Variants in WNT7B observed in about 807,000 individuals in gnomAD.
The protein encoded by WNT7B is Wnt family member 7B, also known as protein Wnt-7b.
WNT7B carries 19 observed loss-of-function variants against 38.2 expected under a neutral mutation model. The ratio of observed to expected loss-of-function variants is 0.50; its 90% CI spans 0.35 to 0.73. The LOEUF is 0.73. Among genes scored for constraint, WNT7B ranks in the 30% least tolerant of loss-of-function variants. WNT7B has a pLI of 0.01. For missense variants in WNT7B, 423 were observed against 507.9 expected (o/e 0.83, Z 1.61); for synonymous variants, 243 against 209.3 (o/e 1.16, Z -1.39).
At chr22:45,942,108 C>T (rs76552704) in intron 2 of WNT7B, among the ~76,000 whole-genome samples, 1,759 of 152,258 alleles carry the variant, frequency 0.012, 40 homozygotes, top group African/African-American at 0.04. Flanking sequence ...GTACTGTCCC[C>T]GCCTCCCCAG....
chr22:45,932,167 C>G (rs1931384206), intron 2 of WNT7B, among the ~76,000 whole-genome samples: 2 of 152,330 alleles, frequency 1.3e-5, no homozygotes, highest in South Asian at 4.1e-4. Context: ...TCACTGCTCC[C>G]CTCTGCCGGT....
intron 1 of WNT7B, among the ~76,000 whole-genome samples, chr22:45,957,631 C>T (rs1052420844): frequency 3.2e-5 from 4 of 126,182 alleles, no homozygotes; most frequent in African/African-American, 9.0e-5. Context: ...TGCAGTGAGC[C>T]GAGATCATGC....
chr22:45,942,439 C>G (rs1254354830), intron 2 of WNT7B, among the ~76,000 whole-genome samples: 1 of 152,248 alleles, frequency 6.6e-6, no homozygotes, highest in Non-Finnish European at 1.5e-5. Context: ...AGAGCTCAGG[C>G]TGGGGACATC....
intron 2 of WNT7B, among the ~76,000 whole-genome samples, chr22:45,940,897 G>A (rs1468456424): frequency 6.6e-6 from 1 of 152,242 alleles, no homozygotes; most frequent in East Asian, 1.9e-4. Flanking sequence ...AGGTGAGAAT[G>A]AGCTGAGCAT....
At chr22:45,923,904 G>A (rs952154044) in intron 3 of WNT7B, among the ~76,000 whole-genome samples, 1 of 152,180 alleles carries the variant, frequency 6.6e-6, no homozygotes, top group East Asian at 1.9e-4. Flanking sequence ...GCGAGTACAC[G>A]GATCAGCGAG....
intron 2 of WNT7B, among the ~76,000 whole-genome samples, chr22:45,933,054 CTGG>C (rs1931417506): frequency 6.6e-6 from 1 of 152,206 alleles, no homozygotes; most frequent in Non-Finnish European, 1.5e-5. Flanking sequence ...CCGCAGCCTG[CTGG>C]GGGCTCAGCC....
chr22:45,944,961 G>A lies in WNT7B; in HGVS notation c.298+4959C>T, dbSNP rs565650462. On this transcript the variant is annotated intron_variant, in intron 2 of 3. Transcript: ENST00000339464. ...CGTCTGCCCCTGACCAGATGACTTT[G>A]GGCCACCCCCTCCTGTCCCCTATGG... 2.3e-4 allele frequency among the ~76,000 whole-genome samples: 35 copies of A among 152,354 alleles called. No individual in the cohort carries two copies. The South Asian group carries it at 2.7e-3, about 12-fold the overall frequency.
At chr22:45,970,891 G>T (rs1370793278) in intron 1 of WNT7B, among the ~76,000 whole-genome samples, 1 of 152,246 alleles carries the variant, frequency 6.6e-6, no homozygotes. Context: ...CCCCTCAGGC[G>T]ATGCCTCCGC....
chr22:45,950,017 C>G lies in WNT7B; in HGVS notation c.201G>C (p.Gln67His). 6.2e-7 allele frequency: 1 copy of G among 1,614,030 alleles called. No homozygotes were observed. Reference sequence around the variant, plus strand: ...GGTACTGGCACTCGTTGATGCCCATCTGCGCCCCCTCCCCAATCACAATGA... The same window carrying G: ...GGTACTGGCACTCGTTGATGCCCATGTGCGCCCCCTCCCCAATCACAATGA... ...DAIIVIGEGA[Q>H]MGINECQYQF... The change falls in exon 2 of 4, where the codon CAG becomes CAC. Residue 67 changes from glutamine (Q) to histidine (H), a missense_variant. Around this residue, in one of 3 missense-constraint regions of WNT7B, gnomAD observed 133 missense variants for 179.8 expected, o/e 0.74. Transcript: ENST00000339464.
chr22:45,943,202 CT>C (rs1931709310), intron 2 of WNT7B, among the ~76,000 whole-genome samples: 1 of 152,228 alleles, frequency 6.6e-6, no homozygotes, highest in Non-Finnish European at 1.5e-5. Context: ...CCCTTGGTCC[CT>C]CTCTGTCCCT....
chr22:45,954,640 G>T, intron 1 of WNT7B: 1 of 985,414 alleles, frequency 1.0e-6, no homozygotes. Context: ...GGGAAGTAAA[G>T]GCATCAGGGA....
chr22:45,949,432 C>T (rs964981907), intron 2 of WNT7B, among the ~76,000 whole-genome samples: 17 of 152,176 alleles, frequency 1.1e-4, no homozygotes, highest in Non-Finnish European at 2.2e-4. Context: ...CAGCTCCACT[C>T]TCGGAATCTA....
At chr22:45,955,042 G>A (rs1932026862) in intron 1 of WNT7B, among the ~76,000 whole-genome samples, 1 of 152,258 alleles carries the variant, frequency 6.6e-6, no homozygotes, top group South Asian at 2.1e-4. Flanking sequence ...GCCTGGAGCA[G>A]GCACTGTGTC....
At chr22:45,973,361 A>G (rs939806493) in intron 1 of WNT7B, among the ~76,000 whole-genome samples, 4 of 152,222 alleles carry the variant, frequency 2.6e-5, no homozygotes, top group African/African-American at 9.6e-5. Context: ...AAGCAGGAAG[A>G]TGGCAAGACA....
At chr22:45,958,774 G>A (rs558776843) in intron 1 of WNT7B, among the ~76,000 whole-genome samples, 18 of 152,252 alleles carry the variant, frequency 1.2e-4, no homozygotes, top group African/African-American at 3.1e-4. Flanking sequence ...CCTGACCCTC[G>A]AAGACAGCGG....
At chr22:45,943,481 C>G (rs74387831) in intron 2 of WNT7B, among the ~76,000 whole-genome samples, 5,882 of 152,290 alleles carry the variant, frequency 0.039, 417 homozygotes, top group African/African-American at 0.14. Flanking sequence ...CTGAGGTGCT[C>G]GGGGAGCCCA....
At chr22:45,929,729 C>CGTGA (rs1209285439) in intron 3 of WNT7B, among the ~76,000 whole-genome samples, 2 of 148,876 alleles carry the variant, frequency 1.3e-5, no homozygotes, top group Non-Finnish European at 3.0e-5. Flanking sequence ...TCCACTCACC[C>CGTGA]ATCCACCCAC....
chr22:45,957,556 C>T (rs1304792512), intron 1 of WNT7B, among the ~76,000 whole-genome samples: 11 of 151,382 alleles, frequency 7.3e-5, no homozygotes, highest in Non-Finnish European at 1.5e-4. Context: ...TGGTGGTGCA[C>T]GCCTGTGATC....
In WNT7B at chr22:45,931,200, C is replaced by T. The variant is rs945119559; in HGVS notation, c.468G>A (p.Val156=). 2 of 1,599,376 alleles carry T rather than the reference C, an allele frequency of 1.3e-6. No individual in the cohort carries two copies. The highest frequency in any genetic ancestry group is 2.7e-5 in the African/African-American group (2 of 74,928). ...GCCGGGAGAAGTCGATGCCGTAACG[C>T]ACGTCGGCCGAGCAGCCGCCCCACT... The part of the protein sequence containing the change: ...GWKWGGCSAD[V]RYGIDFSRRF... The change falls in exon 3 of 4, where the codon GTG becomes GTA. Residue 156 remains valine (V), a synonymous_variant. Transcript: ENST00000339464.
Sources: allele counts gnomAD v4.1 joint callset (sites outside exome capture counted in the v4.1 genomes callset), GRCh38; gene constraint gnomAD v4.1.1; regional missense constraint gnomAD v4.1.1; transcripts MANE v1.5; gene names NCBI Gene and HGNC (gene_info 2026-07-23, HGNC 2026-07-21).